ADAMTS19: variants seen among roughly 807,000 people sequenced by gnomAD.
The protein encoded by ADAMTS19 is ADAM metallopeptidase with thrombospondin type 1 motif 19, also known as A disintegrin and metalloproteinase with thrombospondin motifs 19.
Under a neutral mutation model 153.3 loss-of-function variants are expected in ADAMTS19, and 93 were observed. The ratio of observed to expected loss-of-function variants is 0.61; its 90% CI spans 0.51 to 0.72. ADAMTS19 has a LOEUF of 0.72. ADAMTS19 is among the 30% of genes least tolerant of loss of function. The pLI is 0.00. For missense variants in ADAMTS19, 1,482 were observed against 1,552.1 expected (o/e 0.95, Z 0.76); for synonymous variants, 600 against 556.6 (o/e 1.08, Z -1.10).
chr5:129,590,433 A>G (rs995371070), intron 7 of ADAMTS19, among the ~76,000 whole-genome samples: 4 of 152,208 alleles, frequency 2.6e-5, no homozygotes, highest in African/African-American at 9.6e-5. Flanking sequence ...TTTAATATCC[A>G]TACAATATTC....
intron 8 of ADAMTS19, among the ~76,000 whole-genome samples, chr5:129,608,408 GA>G (rs1430364480): frequency 1.3e-5 from 2 of 151,738 alleles, no homozygotes; most frequent in African/African-American, 4.8e-5. Context: ...ATAAGTACTG[GA>G]GGCCTAATGT....
chr5:129,626,305 T>G (rs1048822112), intron 10 of ADAMTS19, among the ~76,000 whole-genome samples: 3 of 152,130 alleles, frequency 2.0e-5, no homozygotes, highest in Non-Finnish European at 4.4e-5. Context: ...TTTTTTTGTC[T>G]CCTATAGCAC....
intron 21 of ADAMTS19, among the ~76,000 whole-genome samples, chr5:129,707,570 A>T (rs748448159): frequency 9.9e-5 from 15 of 152,196 alleles, no homozygotes; most frequent in Non-Finnish European, 2.1e-4. Context: ...TCCCAAAATA[A>T]TTACAGAGAA....
At chr5:129,645,514 T>G (rs1753021995) in intron 11 of ADAMTS19, among the ~76,000 whole-genome samples, 1 of 152,210 alleles carries the variant, frequency 6.6e-6, no homozygotes, top group South Asian at 2.1e-4. Flanking sequence ...GCTGTAGTAC[T>G]TTCTTCAAAT....
At position 129,737,405 on chromosome 5, in the gene ADAMTS19, A is replaced by T. The variant is rs957500533; in HGVS notation, c.*187A>T. 2 of 420,094 alleles carry T rather than the reference A, an allele frequency of 4.8e-6. No homozygotes were observed. The highest frequency in any genetic ancestry group is 7.7e-6 in the Non-Finnish European group (2 of 259,462). 26.0% of individuals were successfully genotyped at this position (420,094 alleles called of 1,614,324 possible). A position where few individuals can be genotyped will look rare whatever the true frequency, so the allele number is the denominator to read the frequency against. On this transcript the variant is annotated 3_prime_UTR_variant, in exon 23 of 23. Transcript: ENST00000274487. Reference sequence around the variant, plus strand: ...TTACACAAACATTTTGATTTATACTATATGGCTTCATAAATAATTTTATAT... The same window carrying T: ...TTACACAAACATTTTGATTTATACTTTATGGCTTCATAAATAATTTTATAT...
intron 18 of ADAMTS19, 85 bp from the exon 19 acceptor site, chr5:129,694,632 AAAT>A (rs1755474871): frequency 1.0e-5 from 10 of 1,002,684 alleles, no homozygotes; most frequent in African/African-American, 1.7e-5. Flanking sequence ...TTTAAATAAA[AAAT>A]AAGCATAATA....
At chr5:129,736,758 A>G (rs2127231376) in intron 22 of ADAMTS19, among the ~76,000 whole-genome samples, 1 of 152,206 alleles carries the variant, frequency 6.6e-6, no homozygotes, top group East Asian at 1.9e-4. Context: ...AATTTTCTCT[A>G]CTAAAATTCA....
intron 2 of ADAMTS19, among the ~76,000 whole-genome samples, chr5:129,468,166 CTA>C (rs922905673): frequency 6.6e-6 from 1 of 152,114 alleles, no homozygotes; most frequent in African/African-American, 2.4e-5. Flanking sequence ...TAATGTATAT[CTA>C]TGTTAAAGGG....
chr5:129,465,790 CTTCA>C, intron 2 of ADAMTS19, among the ~76,000 whole-genome samples: 1 of 152,180 alleles, frequency 6.6e-6, no homozygotes, highest in South Asian at 2.1e-4. Context: ...TGTCTACTTT[CTTCA>C]TTCAAGCAAA....
intron 6 of ADAMTS19, among the ~76,000 whole-genome samples, 189 bp from the exon 7 acceptor site, chr5:129,551,673 CAT>C (rs1276327623): frequency 1.3e-5 from 2 of 151,652 alleles, no homozygotes; most frequent in Non-Finnish European, 3.0e-5. Flanking sequence ...TTAATTATAT[CAT>C]GTGCTATAAA....
chr5:129,732,286 A>G (rs996741955), intron 21 of ADAMTS19, among the ~76,000 whole-genome samples: 1 of 152,032 alleles, frequency 6.6e-6, no homozygotes, highest in African/African-American at 2.4e-5. Context: ...AAGGATACCC[A>G]CTCACCACTC....
chr5:129,636,242 C>A (rs1320741147), intron 10 of ADAMTS19, among the ~76,000 whole-genome samples: 1 of 152,104 alleles, frequency 6.6e-6, no homozygotes, highest in Non-Finnish European at 1.5e-5. Flanking sequence ...GGTTCACTCT[C>A]CAGAGACTTC....
intron 7 of ADAMTS19, among the ~76,000 whole-genome samples, chr5:129,575,315 AT>A (rs971869890): frequency 3.3e-5 from 5 of 151,916 alleles, no homozygotes; most frequent in African/African-American, 1.2e-4. Context: ...ATGATATTTA[AT>A]TTTTTAATTG....
chr5:129,520,504 G>C (rs1410808378), intron 3 of ADAMTS19, among the ~76,000 whole-genome samples: 1 of 152,160 alleles, frequency 6.6e-6, no homozygotes, highest in Non-Finnish European at 1.5e-5. Flanking sequence ...AAACCTAAGA[G>C]AGTAAGATGA....
At chr5:129,541,795 A>G (rs62398973) in intron 6 of ADAMTS19, among the ~76,000 whole-genome samples, 2,525 of 152,222 alleles carry the variant, frequency 0.017, 29 homozygotes, top group Non-Finnish European at 0.028. Context: ...GCAGTACACT[A>G]CACAACAGTA....
In ADAMTS19 at chr5:129,461,636, C is replaced by A; in HGVS notation, c.626C>A (p.Pro209His). The change falls in exon 2 of 23, where the codon CCC (proline) becomes CAC (histidine). Residue 209 changes from proline to histidine, a missense_variant. This residue lies in a region of ADAMTS19 where 866 missense variants were observed against 827.7 expected (regional missense o/e 1.05). Coordinates refer to ENST00000274487, the MANE Select transcript of ADAMTS19 (RefSeq NM_133638.6). This position sits in a 1 kb window ranked among gnomAD's most constrained non-coding sequence, Gnocchi z 4.6. ...CAGCGGCCAAATCCCGGCCCCGGCC[C>A]CACGGGGGCAGCATCCGCCCCGCAA... ...VEQRPNPGPG[P>H]TGAASAPQPP... The A allele has an allele frequency of 6.3e-7, 1 of 1,594,382 alleles. No homozygotes were observed. Among genetic ancestry groups the A allele is most frequent in the Non-Finnish European group, 8.5e-7 (1 of 1,176,484 alleles).
At chr5:129,560,293 AC>A (rs935154157) in intron 7 of ADAMTS19, among the ~76,000 whole-genome samples, 2 of 152,136 alleles carry the variant, frequency 1.3e-5, no homozygotes, top group Non-Finnish European at 2.9e-5. Flanking sequence ...TCATGCTATA[AC>A]TTTTTTTTAG....
chr5:129,615,735 T>C (rs1946290), intron 8 of ADAMTS19, among the ~76,000 whole-genome samples: 88,317 of 151,644 alleles, frequency 0.58, 27,164 homozygotes, highest in Non-Finnish European at 0.69. Context: ...GTAAAAAGAA[T>C]CAGCACCAAT....
At chr5:129,510,813 T>C (rs1751415512) in intron 3 of ADAMTS19, among the ~76,000 whole-genome samples, 1 of 150,856 alleles carries the variant, frequency 6.6e-6, no homozygotes, top group South Asian at 2.1e-4. Flanking sequence ...AAAGGATAAA[T>C]ACAGAGTTCA....
Sources: gnomAD v4.1 joint callset for allele counts (sites outside exome capture counted in the v4.1 genomes callset) on GRCh38, gnomAD v4.1.1 for gene constraint, gnomAD v4.1.1 regional missense constraint, Gnocchi (gnomAD v3.1) non-coding constraint, MANE v1.5 for transcripts, NCBI Gene and HGNC (gene_info 2026-07-23, HGNC 2026-07-21) for gene names.